Variants in DTNBP1 observed in about 807,000 individuals in gnomAD.
The protein encoded by DTNBP1 is dystrobrevin binding protein 1.
Under a neutral mutation model 42.8 loss-of-function variants are expected in DTNBP1, and 35 were observed. The ratio of observed to expected loss-of-function variants is 0.82; its 90% CI spans 0.63 to 1.09. The LOEUF (loss-of-function observed/expected upper bound fraction) is 1.09. Among genes scored for constraint, DTNBP1 ranks in the 50% least tolerant of loss-of-function variants. The pLI, the probability that DTNBP1 is intolerant of heterozygous loss-of-function variation, is 0.00. For synonymous variants in DTNBP1, 171 were observed against 162.2 expected (o/e 1.05, Z -0.41); for missense variants, 457 against 424.2 (o/e 1.08, Z -0.68).
At chr6:15,535,672 G>A (rs760163228) in intron 7 of DTNBP1, among the ~76,000 whole-genome samples, 5 of 152,168 alleles carry the variant, frequency 3.3e-5, no homozygotes, top group Non-Finnish European at 7.4e-5. Context: ...ATTGGTACTG[G>A]AGAGAGTGGG....
At chr6:15,634,067 C>T (rs1238163276) in intron 4 of DTNBP1, among the ~76,000 whole-genome samples, 1 of 152,152 alleles carries the variant, frequency 6.6e-6, no homozygotes, top group Non-Finnish European at 1.5e-5. Context: ...TATGCCCATA[C>T]ATTCAATCTT....
chr6:15,641,547 C>A lies in DTNBP1; in HGVS notation c.162-3743G>T, dbSNP rs1370755581. Among the ~76,000 whole-genome samples, 4 of 152,260 alleles carry A rather than the reference C, an allele frequency of 2.6e-5. No homozygotes were observed. The East Asian group carries it at 5.8e-4, about 22-fold the overall frequency. On this transcript the variant is annotated intron_variant, in intron 3 of 9. Coordinates refer to ENST00000344537, the MANE Select transcript of DTNBP1 (RefSeq NM_032122.5). ...GCTCCTCTGCCCTTGTGACCCAAAG[C>A]AATACTATTGATGGTGACTTGAAAA...
Position 15,587,313 on chromosome 6 carries a change from C to T in DTNBP1, c.511+5746G>A, listed in dbSNP as rs1776119196. ...GAAAGACTCACTATCATTAAGATGA[C>T]AATTTTCCCCAAATTGATCTATACA... On this transcript the variant is annotated intron_variant, in intron 7 of 9. Coordinates refer to ENST00000344537, the MANE Select transcript of DTNBP1 (RefSeq NM_032122.5). The surrounding 1 kb of genome is among the most constrained non-coding windows in gnomAD (Gnocchi z 4.1). Among the ~76,000 whole-genome samples the T allele has an allele frequency of 1.3e-5, 2 of 152,144 alleles. No individual in the cohort carries two copies. Among genetic ancestry groups the T allele is most frequent in the Non-Finnish European group, 2.9e-5 (2 of 68,028 alleles).
chr6:15,587,992 T>C lies in DTNBP1; in HGVS notation c.511+5067A>G, dbSNP rs1448209903. 6.6e-6 allele frequency among the ~76,000 whole-genome samples: 1 copy of C among 152,186 alleles called. No individual in the cohort carries two copies. Among genetic ancestry groups the C allele is most frequent in the Non-Finnish European group, 1.5e-5 (1 of 68,030 alleles). On this transcript the variant is annotated intron_variant, in intron 7 of 9. Coordinates refer to ENST00000344537, the MANE Select transcript of DTNBP1 (RefSeq NM_032122.5). The surrounding 1 kb of genome is among the most constrained non-coding windows in gnomAD (Gnocchi z 4.1). Reference sequence around the variant, plus strand: ...TCCATATATTCTAGTCTTAGCTATATACCCAAGATAAATAAAAATGTATGT... The same window carrying C: ...TCCATATATTCTAGTCTTAGCTATACACCCAAGATAAATAAAAATGTATGT...
intron 4 of DTNBP1, among the ~76,000 whole-genome samples, chr6:15,632,060 G>A (rs1337846159): frequency 4.6e-5 from 7 of 152,182 alleles, no homozygotes; most frequent in Non-Finnish European, 5.9e-5. Context: ...ATTTTACTGT[G>A]TACTGGCCAT....
chr6:15,619,375 C>A (rs1462562192), intron 5 of DTNBP1, among the ~76,000 whole-genome samples: 1 of 151,930 alleles, frequency 6.6e-6, no homozygotes, highest in Admixed American at 6.6e-5. Flanking sequence ...AAAAAATATA[C>A]GTAAATACTT....
chr6:15,590,106 G>A (rs1422427644), intron 7 of DTNBP1, among the ~76,000 whole-genome samples: 2 of 152,050 alleles, frequency 1.3e-5, no homozygotes. Context: ...CTAATTTTTT[G>A]TATTTTTAGT....
At position 15,603,203 on chromosome 6, in the gene DTNBP1, T is replaced by A. The variant is rs539232341; in HGVS notation, c.489-10122A>T. Reference sequence around the variant, plus strand: ...AATGTAAGGTGTGATTACACATTTATGAAGCCAACAAATTCATAGCTCTCA... The same window carrying A: ...AATGTAAGGTGTGATTACACATTTAAGAAGCCAACAAATTCATAGCTCTCA... On this transcript the variant is annotated intron_variant, in intron 6 of 9. Transcript: ENST00000344537. 6.6e-5 allele frequency among the ~76,000 whole-genome samples: 10 copies of A among 152,346 alleles called. No individual in the cohort carries two copies. In the East Asian group the frequency reaches 1.9e-3, roughly 29 times the overall value.
At chr6:15,586,627 C>T (rs1208588786) in intron 7 of DTNBP1, among the ~76,000 whole-genome samples, 1 of 151,986 alleles carries the variant, frequency 6.6e-6, no homozygotes, top group East Asian at 1.9e-4. Context: ...GTCTCTACTC[C>T]CTCATTCATT....
At chr6:15,648,119 A>G (rs568121688) in intron 3 of DTNBP1, among the ~76,000 whole-genome samples, 1 of 152,072 alleles carries the variant, frequency 6.6e-6, no homozygotes, top group African/African-American at 2.4e-5. Flanking sequence ...AAATCTGTCA[A>G]TGTAATAATA....
At chr6:15,648,212 T>A (rs1760791660) in intron 3 of DTNBP1, among the ~76,000 whole-genome samples, 1 of 152,002 alleles carries the variant, frequency 6.6e-6, no homozygotes. Flanking sequence ...TTCAACATCC[T>A]TTCATGATAA....
At chr6:15,638,652 G>T (rs1443577828) in intron 3 of DTNBP1, among the ~76,000 whole-genome samples, 2 of 152,132 alleles carry the variant, frequency 1.3e-5, no homozygotes, top group Non-Finnish European at 2.9e-5. Flanking sequence ...CCTTAATAAA[G>T]TGATCAAAAT....
chr6:15,523,984 G>A (rs1370986953), intron 9 of DTNBP1: 52 of 1,287,732 alleles, frequency 4.0e-5, no homozygotes, highest in Non-Finnish European at 4.9e-5. Flanking sequence ...CCAAGCCCAG[G>A]TACAGGTCTG....
At chr6:15,532,059 G>C (rs1772873075) in intron 8 of DTNBP1, among the ~76,000 whole-genome samples, 1 of 152,248 alleles carries the variant, frequency 6.6e-6, no homozygotes. Context: ...GGCAAGGCTG[G>C]GGAAAGGATG....
chr6:15,546,926 C>T (rs868644299), intron 7 of DTNBP1, among the ~76,000 whole-genome samples: 26 of 116,132 alleles, frequency 2.2e-4, no homozygotes, highest in Admixed American at 7.0e-4. Context: ...TTCTTTCTTT[C>T]TTTTTTTTTT....
At chr6:15,618,615 G>A (rs1455553093) in intron 5 of DTNBP1, among the ~76,000 whole-genome samples, 1 of 151,744 alleles carries the variant, frequency 6.6e-6, no homozygotes, top group Non-Finnish European at 1.5e-5. Context: ...GTTCTCATAC[G>A]CTGTTGTCGG....
intron 6 of DTNBP1, among the ~76,000 whole-genome samples, chr6:15,607,357 A>G (rs976855397): frequency 6.6e-6 from 1 of 152,178 alleles, no homozygotes; most frequent in Admixed American, 6.5e-5. Context: ...ACTGGAGTGC[A>G]GTGGCACGAT....
chr6:15,640,058 A>G (rs1760253976), intron 3 of DTNBP1, among the ~76,000 whole-genome samples: 1 of 152,148 alleles, frequency 6.6e-6, no homozygotes, highest in Admixed American at 6.5e-5. Context: ...TACTGTTTTC[A>G]GCATTCTCTA....
intron 7 of DTNBP1, among the ~76,000 whole-genome samples, chr6:15,566,038 CAT>C (rs1775057381): frequency 6.6e-6 from 1 of 152,128 alleles, no homozygotes; most frequent in Admixed American, 6.5e-5. Context: ...GAAAAACAAA[CAT>C]AAAATTCTTC....
Sources: allele counts gnomAD v4.1 joint callset (sites outside exome capture counted in the v4.1 genomes callset), GRCh38; gene constraint gnomAD v4.1.1; non-coding constraint Gnocchi (gnomAD v3.1); transcripts MANE v1.5; gene names NCBI Gene and HGNC (gene_info 2026-07-23, HGNC 2026-07-21).